The following TNIK variants were observed in gnomAD, a reference collection of about 807,000 sequenced individuals.
TNIK encodes the protein TRAF2 and NCK-interacting protein kinase.
In TNIK, 49 loss-of-function variants were observed where a neutral mutation model predicts 191.3. The observed-to-expected ratio is 0.26, with a 90% CI of 0.20 to 0.32. The LOEUF is 0.32. TNIK is among the 10% of genes least tolerant of loss of function. The pLI is 1.00. For missense variants in TNIK, 1,155 were observed against 1,702.3 expected, an observed-to-expected ratio of 0.68 and a Z score of 5.66; for synonymous variants, 594 against 600.9, an observed-to-expected ratio of 0.99 and a Z score of 0.17.
rs1723572758 is a variant in TNIK at position 171,101,585 on chromosome 3, T to G, written c.2455A>C (p.Thr819Pro). ...GTCACCTTCTTCATTGGGCGGTTTGTTTCTTCAATCCGGAGTTCTCTTAGT... is the reference window on the plus strand; with the variant it reads ...GTCACCTTCTTCATTGGGCGGTTTGGTTCTTCAATCCGGAGTTCTCTTAGT... ...KELRELRIEE[T>P]NRPMKKVTDY... Residue 819 changes from threonine to proline, a missense_variant, in exon 22 of 33, where the codon ACA (threonine) becomes CCA (proline). By Grantham distance (38) the Thr-to-Pro change is conservative (BLOSUM62 -1). Coordinates refer to ENST00000436636, the MANE Select transcript of TNIK (RefSeq NM_015028.4). 1 of 1,613,292 alleles carries G rather than the reference T, an allele frequency of 6.2e-7. No individual in the cohort carries two copies.
At chr3:171,220,123 T>G (rs1742107795) in intron 3 of TNIK, among the ~76,000 whole-genome samples, 1 of 152,270 alleles carries the variant, frequency 6.6e-6, no homozygotes, top group Non-Finnish European at 1.5e-5. Flanking sequence ...ACCATCATTC[T>G]CAGCAAACTA....
chr3:171,247,222 C>A (rs1220659534), intron 2 of TNIK, among the ~76,000 whole-genome samples: 1 of 152,206 alleles, frequency 6.6e-6, no homozygotes, highest in East Asian at 1.9e-4. Context: ...ACCTTCCTAC[C>A]CGCTACCACT....
chr3:171,359,781 T>G (rs969489614), intron 2 of TNIK, among the ~76,000 whole-genome samples: 1 of 152,238 alleles, frequency 6.6e-6, no homozygotes, highest in Non-Finnish European at 1.5e-5. Context: ...TTGGTTATTC[T>G]TTTTATTAAA....
chr3:171,331,002 C>T (rs1164978562), intron 2 of TNIK, among the ~76,000 whole-genome samples: 1 of 152,112 alleles, frequency 6.6e-6, no homozygotes, highest in Non-Finnish European at 1.5e-5. Flanking sequence ...ATAGAGGTGC[C>T]CATTTCGCTT....
intron 2 of TNIK, among the ~76,000 whole-genome samples, chr3:171,312,881 A>T (rs992626726): frequency 2.0e-5 from 3 of 152,100 alleles, no homozygotes. Flanking sequence ...CACCTCCTTG[A>T]GTATTCATGG....
intron 2 of TNIK, among the ~76,000 whole-genome samples, chr3:171,262,295 A>T (rs1747739875): frequency 6.7e-6 from 1 of 150,346 alleles, no homozygotes; most frequent in Non-Finnish European, 1.5e-5. Context: ...ATCACACCCC[A>T]CCCCACCCCA....
intron 1 of TNIK, among the ~76,000 whole-genome samples, chr3:171,390,494 C>T (rs1467083261): frequency 6.6e-6 from 1 of 152,168 alleles, no homozygotes; most frequent in African/African-American, 2.4e-5. Flanking sequence ...CAGTTGTTTA[C>T]AAATTGCAAA....
chr3:171,265,863 T>C (rs1196042497), intron 2 of TNIK, among the ~76,000 whole-genome samples: 1 of 152,220 alleles, frequency 6.6e-6, no homozygotes, highest in African/African-American at 2.4e-5. Context: ...TTTTTTTCCT[T>C]TTTAAAATCA....
intron 2 of TNIK, among the ~76,000 whole-genome samples, chr3:171,325,099 AAAATAAATAAAT>A (rs375566849): frequency 1.3e-4 from 20 of 151,154 alleles, no homozygotes; most frequent in Non-Finnish European, 2.5e-4. Flanking sequence ...AGACTGTCTC[AAAATAAATAAAT>A]AAATAAATAA....
At chr3:171,305,204 C>G (rs1271337846) in intron 2 of TNIK, among the ~76,000 whole-genome samples, 1 of 151,992 alleles carries the variant, frequency 6.6e-6, no homozygotes, top group East Asian at 1.9e-4. Context: ...CAGTACATAG[C>G]ACATATTATT....
At chr3:171,231,810 C>A (rs953832863) in intron 2 of TNIK, among the ~76,000 whole-genome samples, 1 of 152,070 alleles carries the variant, frequency 6.6e-6, no homozygotes, top group Non-Finnish European at 1.5e-5. Flanking sequence ...TAGGAAGGGG[C>A]CCCTAAGAGC....
intron 2 of TNIK, among the ~76,000 whole-genome samples, chr3:171,256,042 C>T (rs780419578): frequency 4.6e-5 from 7 of 151,934 alleles, no homozygotes; most frequent in East Asian, 1.9e-4. Context: ...GCTAATAAGA[C>T]GACCATTTAC....
At chr3:171,358,896 A>T (rs896360104) in intron 2 of TNIK, among the ~76,000 whole-genome samples, 3 of 152,146 alleles carry the variant, frequency 2.0e-5, no homozygotes, top group African/African-American at 7.2e-5. Flanking sequence ...TCTATAATTA[A>T]GTTTTAAGTT....
intron 1 of TNIK, among the ~76,000 whole-genome samples, chr3:171,396,968 A>G (rs550995499): frequency 6.6e-6 from 1 of 152,326 alleles, no homozygotes; most frequent in South Asian, 2.1e-4. Context: ...TTTCAGACCA[A>G]TGACTTCCAG....
intron 12 of TNIK, among the ~76,000 whole-genome samples, chr3:171,144,879 A>C (rs910579781): frequency 1.3e-5 from 2 of 152,146 alleles, no homozygotes. Context: ...CTGTGCCTGG[A>C]ATCTTTCACT....
chr3:171,412,055 T>C (rs1199636277), intron 1 of TNIK, among the ~76,000 whole-genome samples: 1 of 152,174 alleles, frequency 6.6e-6, no homozygotes, highest in Non-Finnish European at 1.5e-5. Flanking sequence ...CTTGAGAAAC[T>C]TCAAACCATC....
intron 12 of TNIK, among the ~76,000 whole-genome samples, chr3:171,148,065 A>G (rs1221290354): frequency 1.3e-5 from 2 of 152,200 alleles, no homozygotes; most frequent in Admixed American, 1.3e-4. Flanking sequence ...CAGGCCAGAT[A>G]TAACTCATTC....
chr3:171,456,614 A>G (rs1225182773), intron 1 of TNIK, among the ~76,000 whole-genome samples: 1 of 152,210 alleles, frequency 6.6e-6, no homozygotes, highest in Non-Finnish European at 1.5e-5. Flanking sequence ...CATGTGTCCT[A>G]GGTGATTTCA....
chr3:171,296,058 G>A (rs1329337291), intron 2 of TNIK, among the ~76,000 whole-genome samples: 1 of 152,146 alleles, frequency 6.6e-6, no homozygotes, highest in Non-Finnish European at 1.5e-5. Flanking sequence ...TTTAAACAAT[G>A]TAGAACAGTA....
Sources: allele counts gnomAD v4.1 joint callset (sites outside exome capture counted in the v4.1 genomes callset), GRCh38; gene constraint gnomAD v4.1.1; transcripts MANE v1.5; gene names NCBI Gene and HGNC (gene_info 2026-07-23, HGNC 2026-07-21).